Variants in CPNE5 observed in about 807,000 individuals in gnomAD.
The protein encoded by CPNE5 is copine 5.
A neutral mutation model predicts 81.1 loss-of-function variants in CPNE5; 42 were observed. That is an observed-to-expected ratio of 0.52 (90% CI 0.40 to 0.67). The LOEUF is 0.67. CPNE5 is among the 30% of genes least tolerant of loss of function. The pLI is 0.00. For synonymous variants in CPNE5, 313 were observed against 321.5 expected (o/e 0.97, Z 0.28); for missense variants, 612 against 815.5 (o/e 0.75, Z 3.04).
At chr6:36,753,411 C>G (rs747787583) in intron 13 of CPNE5, among the ~76,000 whole-genome samples, 1 of 152,204 alleles carries the variant, frequency 6.6e-6, no homozygotes, top group Non-Finnish European at 1.5e-5. Context: ...GTCAGTGGAA[C>G]CGGGGTCCAA....
Position 36,742,359 on chromosome 6 carries a change from C to T in CPNE5, c.1691G>A (p.Arg564His), listed in dbSNP as rs917415549. ...LVSYMKAQGI[R>H]PRPPPAAPTH... is the part of the protein sequence containing the mutation. ...TGGTGCTGCGGGTGGGGGACGCGGG[C>T]GAATGCCCTGTGCCTTCATGTAGGA... Residue 564 changes from arginine (R) to histidine (H), a missense_variant, in exon 21 of 21, where the codon CGC becomes CAC. By Grantham distance (29) the Arg-to-His change is conservative. Coordinates refer to ENST00000244751, the MANE Select transcript of CPNE5 (RefSeq NM_020939.2). 8 of 1,613,246 alleles carry T rather than the reference C, an allele frequency of 5.0e-6. No homozygotes were observed. Among genetic ancestry groups the T allele is most frequent in the East Asian group, 2.2e-5 (1 of 44,876 alleles).
chr6:36,742,499 AG>A lies in CPNE5; in HGVS notation c.1564-14del. ...GGAAGGGTACAAACTGGCAAGTGGG[AG>A]GGCAGGGTCAGGCAGTGCCTCCTGT... On this transcript the variant is annotated splice_polypyrimidine_tract_variant and intron_variant, in intron 20 of 20. Transcript: ENST00000244751. 1 of 1,605,948 alleles carries A rather than the reference AG, an allele frequency of 6.2e-7. No individual in the cohort carries two copies.
intron 10 of CPNE5, among the ~76,000 whole-genome samples, chr6:36,773,006 A>C (rs1185167939): frequency 6.6e-6 from 1 of 151,906 alleles, no homozygotes; most frequent in Non-Finnish European, 1.5e-5. Flanking sequence ...TACCCAGATA[A>C]TTTTTTTTAA....
At chr6:36,793,478 A>G (rs1436785638) in intron 7 of CPNE5, among the ~76,000 whole-genome samples, 1 of 152,102 alleles carries the variant, frequency 6.6e-6, no homozygotes, top group Non-Finnish European at 1.5e-5. Context: ...AGAATCCTCC[A>G]CGCCAGCCTC....
intron 12 of CPNE5, among the ~76,000 whole-genome samples, chr6:36,759,391 CCTT>C (rs917888757): frequency 1.3e-4 from 20 of 151,822 alleles, no homozygotes; most frequent in East Asian, 1.9e-4. Flanking sequence ...AAGTCACCTC[CCTT>C]CTTCTTGGTG....
chr6:36,796,443 A>C (rs1769582913), intron 6 of CPNE5, among the ~76,000 whole-genome samples: 1 of 152,214 alleles, frequency 6.6e-6, no homozygotes, highest in South Asian at 2.1e-4. Context: ...GTTGGGAAGC[A>C]CAGACACCCT....
chr6:36,776,192 G>A (rs955464471), intron 9 of CPNE5, among the ~76,000 whole-genome samples: 3 of 152,304 alleles, frequency 2.0e-5, no homozygotes, highest in South Asian at 2.1e-4. Context: ...GGGCAGGGGC[G>A]TCTCTCTGAG....
intron 6 of CPNE5, 99 bp downstream of exon 6, chr6:36,798,066 G>T (rs1769755284): frequency 1.2e-6 from 1 of 868,548 alleles, no homozygotes. Flanking sequence ...GCAGATGCCA[G>T]TCATAGCCAG....
rs371784051 is a variant in CPNE5, at chr6:36,794,592, G to A, written c.462C>T (p.Asn154=). The A allele has an allele frequency of 1.5e-5, 24 of 1,613,918 alleles. No individual in the cohort carries two copies. In the East Asian group the frequency reaches 2.7e-4, roughly 18 times the overall value. ...RTGKPMPAVS[N]GGVPGKKCGT... is the part of the protein sequence containing the mutation. ...GCCAGAGATGTCTGGCAACGTACCC[G>A]TTGGACACAGCTGGCATGGGTTTGC... The change falls in exon 7 of 21, where the codon AAC becomes AAT. Residue 154 remains asparagine (N), a splice_region_variant and synonymous_variant. Coordinates refer to ENST00000244751, the MANE Select transcript of CPNE5 (RefSeq NM_020939.2).
chr6:36,765,490 C>T (rs1766479627), intron 10 of CPNE5, 114 bp from the exon 11 acceptor site: 1 of 1,269,108 alleles, frequency 7.9e-7, no homozygotes, highest in African/African-American at 1.5e-5. Context: ...CCCTCTGGGC[C>T]CCAGGGCCCT....
chr6:36,746,328 C>T lies in CPNE5; in HGVS notation c.1200+68G>A. The T allele has an allele frequency of 2.1e-6, 3 of 1,401,132 alleles. No homozygotes were observed. The highest frequency in any genetic ancestry group is 2.8e-6 in the Non-Finnish European group (3 of 1,056,838). 86.8% of individuals were successfully genotyped at this position (1,401,132 alleles called of 1,614,324 possible). A position where few individuals can be genotyped will look rare whatever the true frequency, so the allele number is the denominator to read the frequency against. On this transcript the variant is annotated intron_variant, in intron 16 of 20. Transcript: ENST00000244751. The surrounding 1 kb of genome is among the most constrained non-coding windows in gnomAD (Gnocchi z 4.5). Reference sequence around the variant, plus strand: ...GGGCTCAGAGGAAGGGAAACGTCCCCCCACCCCCAGCTTGTCACCTCACCC... The same window carrying T: ...GGGCTCAGAGGAAGGGAAACGTCCCTCCACCCCCAGCTTGTCACCTCACCC...
rs561839123 is a variant in CPNE5, at chr6:36,825,052, A to G, written c.96-1954T>C. Among the ~76,000 whole-genome samples, 251 of 152,254 alleles carry G rather than the reference A, an allele frequency of 1.6e-3. 2 individuals carry two copies. The highest frequency in any genetic ancestry group is 5.6e-3 in the African/African-American group (234 of 41,534). ...GACATGAAAGACCAGGGAGAGGCAA[A>G]GGGCGACCGTGGCCCACAGCAAGCA... On this transcript the variant is annotated intron_variant, in intron 1 of 20. Coordinates refer to ENST00000244751, the MANE Select transcript of CPNE5 (RefSeq NM_020939.2).
intron 6 of CPNE5, among the ~76,000 whole-genome samples, chr6:36,796,766 ATTTTCACTG>A (rs1419890967): frequency 6.6e-6 from 1 of 152,024 alleles, no homozygotes; most frequent in African/African-American, 2.4e-5. Flanking sequence ...AATGATAGCT[ATTTTCACTG>A]TTTTCTAGGA....
intron 10 of CPNE5, among the ~76,000 whole-genome samples, chr6:36,774,646 G>C (rs1248137550): frequency 1.3e-5 from 2 of 152,228 alleles, no homozygotes; most frequent in Admixed American, 1.3e-4. Flanking sequence ...GGAATCCTGG[G>C]CACTTCCCAT....
chr6:36,782,816 AACACACACACACACACACACACAC>A (rs3997726), intron 8 of CPNE5, among the ~76,000 whole-genome samples: 19 of 126,320 alleles, frequency 1.5e-4, no homozygotes, highest in East Asian at 2.4e-4. Context: ...CAAAAACCAA[AACACACACACACACACACACACAC>A]ACACACACAC....
intron 8 of CPNE5, among the ~76,000 whole-genome samples, chr6:36,791,656 C>G (rs940417492): frequency 1.3e-5 from 2 of 152,202 alleles, no homozygotes; most frequent in African/African-American, 4.8e-5. Flanking sequence ...AAATGTCAAG[C>G]ACCCAGGCTT....
chr6:36,799,736 A>C (rs1374583603), intron 4 of CPNE5, among the ~76,000 whole-genome samples: 3 of 152,120 alleles, frequency 2.0e-5, no homozygotes, highest in African/African-American at 7.2e-5. Context: ...TGCCATCCCC[A>C]ACTTAACTGA....
intron 1 of CPNE5, among the ~76,000 whole-genome samples, chr6:36,835,753 G>A (rs193127392): frequency 8.7e-4 from 132 of 150,958 alleles, no homozygotes; most frequent in Non-Finnish European, 1.4e-3. Flanking sequence ...CTGAGATCGC[G>A]CCTTTGCACT....
At chr6:36,830,270 C>T (rs1161783033) in intron 1 of CPNE5, among the ~76,000 whole-genome samples, 1 of 152,196 alleles carries the variant, frequency 6.6e-6, no homozygotes, top group African/African-American at 2.4e-5. Context: ...AGCAATGCTC[C>T]GTCTTATCCT....
Sources: gnomAD v4.1 joint callset for allele counts (sites outside exome capture counted in the v4.1 genomes callset) on GRCh38, gnomAD v4.1.1 for gene constraint, Gnocchi (gnomAD v3.1) non-coding constraint, MANE v1.5 for transcripts, NCBI Gene and HGNC (gene_info 2026-07-23, HGNC 2026-07-21) for gene names.